The following ATXN7L1 variants were observed in gnomAD, a reference collection of about 807,000 sequenced individuals.
The protein encoded by ATXN7L1 is ataxin 7 like 1, also known as ataxin-7-like protein 1.
Under a neutral mutation model 70.8 loss-of-function variants are expected in ATXN7L1, and 15 were observed. The ratio of observed to expected loss-of-function variants is 0.21; its 90% CI spans 0.14 to 0.33. ATXN7L1 has a LOEUF of 0.33. ATXN7L1 is among the 10% of genes least tolerant of loss of function. The pLI, the probability that ATXN7L1 is intolerant of heterozygous loss-of-function variation, is 1.00. For synonymous variants in ATXN7L1, 440 were observed against 445.1 expected, an observed-to-expected ratio of 0.99 and a Z score of 0.14; for missense variants, 975 against 1,097.1, an observed-to-expected ratio of 0.89 and a Z score of 1.57.
chr7:105,759,296 A>T (rs1264938909), intron 3 of ATXN7L1, among the ~76,000 whole-genome samples: 1 of 151,376 alleles, frequency 6.6e-6, no homozygotes, highest in South Asian at 2.1e-4. Flanking sequence ...CAGCGCTGAG[A>T]TGATAAATGC....
intron 10 of ATXN7L1, among the ~76,000 whole-genome samples, chr7:105,612,946 C>T (rs1311235739): frequency 6.6e-6 from 1 of 152,224 alleles, no homozygotes; most frequent in Non-Finnish European, 1.5e-5. Context: ...TCTGGACACA[C>T]TGCCCTGATG....
intron 3 of ATXN7L1, among the ~76,000 whole-genome samples, chr7:105,718,761 G>A (rs1044032323): frequency 1.3e-5 from 2 of 152,210 alleles, no homozygotes; most frequent in Non-Finnish European, 2.9e-5. Context: ...CCATTCACAC[G>A]GGCTCTTTGT....
chr7:105,811,485 A>G (rs923372847), intron 2 of ATXN7L1, among the ~76,000 whole-genome samples: 3 of 151,940 alleles, frequency 2.0e-5, no homozygotes, highest in African/African-American at 4.8e-5. Context: ...GCCCTAGCAA[A>G]CTATTACAGG....
At chr7:105,736,954 C>T (rs527788057) in intron 3 of ATXN7L1, among the ~76,000 whole-genome samples, 14 of 152,232 alleles carry the variant, frequency 9.2e-5, no homozygotes, top group South Asian at 2.1e-4. Context: ...CTTCATAAAA[C>T]GAATTGTGGG....
chr7:105,675,651 T>C (rs1414047069), intron 3 of ATXN7L1, among the ~76,000 whole-genome samples: 1 of 151,764 alleles, frequency 6.6e-6, no homozygotes, highest in Non-Finnish European at 1.5e-5. Context: ...AAGCACTTGA[T>C]AAATACATGA....
intron 2 of ATXN7L1, among the ~76,000 whole-genome samples, chr7:105,870,121 A>G (rs1818034952): frequency 6.6e-6 from 1 of 152,060 alleles, no homozygotes; most frequent in African/African-American, 2.4e-5. Flanking sequence ...CTCTACTAAA[A>G]ATACAAAAAA....
rs1563048830 is a variant in ATXN7L1, at chr7:105,733,589, T to TCCATCCACCCAACCAC, written c.355+55014_355+55015insGTGGTTGGGTGGATGG. 1.6e-4 allele frequency among the ~76,000 whole-genome samples: 17 copies of TCCATCCACCCAACCAC among 108,386 alleles called. 1 individual carries two copies. Among genetic ancestry groups the TCCATCCACCCAACCAC allele is most frequent in the Non-Finnish European group, 2.2e-4 (12 of 53,482 alleles). 71.1% of individuals were successfully genotyped at this position (108,386 alleles called of 152,430 possible). On this transcript the variant is annotated intron_variant, in intron 3 of 11. Transcript: ENST00000419735. ...ATCCTTCCATCCATCCACCCATCCATCCATCCATCCATCCACCCATCCATC... is the reference window on the plus strand; with the variant it reads ...ATCCTTCCATCCATCCACCCATCCATCCATCCACCCAACCACCCATCCATCCATCCACCCATCCATC...
rs538083231 is a variant in ATXN7L1 at position 105,755,647 on chromosome 7, C to T, written c.355+32957G>A. Among the ~76,000 whole-genome samples the T allele has an allele frequency of 1.1e-4, 17 of 152,298 alleles. No individual in the cohort carries two copies. The South Asian group carries it at 2.7e-3, about 24-fold the overall frequency. On this transcript the variant is annotated intron_variant, in intron 3 of 11. Coordinates refer to ENST00000419735, the MANE Select transcript of ATXN7L1 (RefSeq NM_020725.2). ...ATTTCTGACCAAGCTGTCAGACAAT[C>T]CTACTGGTGAATTTCCAGCTGGAAT...
intron 3 of ATXN7L1, among the ~76,000 whole-genome samples, chr7:105,738,803 G>A (rs1797695057): frequency 6.6e-6 from 1 of 152,222 alleles, no homozygotes; most frequent in South Asian, 2.1e-4. Flanking sequence ...AAGGCTGTGG[G>A]TCTGGTGCAC....
At position 105,605,475 on chromosome 7, in the gene ATXN7L1, T is replaced by TGGGGG. The variant is rs200622868; in HGVS notation, c.*2372_*2376dup. ...CAAAGTAAGCAGCATTCGATGAGGG[T>TGGGGG]GGGGGGGGGGGTGGGGGCTCTTTAT... On this transcript the variant is annotated 3_prime_UTR_variant, in exon 12 of 12. Coordinates refer to ENST00000419735, the MANE Select transcript of ATXN7L1 (RefSeq NM_020725.2). The TGGGGG allele has an allele frequency of 9.3e-5, 6 of 64,438 alleles. No individual in the cohort carries two copies. Among genetic ancestry groups the TGGGGG allele is most frequent in the Non-Finnish European group, 2.0e-4 (6 of 29,488 alleles). The allele number at this position is 64,438 out of a possible 1,614,324, so 4.0% of individuals were successfully genotyped here. A position where few individuals can be genotyped will look rare whatever the true frequency, so the allele number is the denominator to read the frequency against.
At chr7:105,849,172 G>A (rs1814508852) in intron 2 of ATXN7L1, among the ~76,000 whole-genome samples, 1 of 152,212 alleles carries the variant, frequency 6.6e-6, no homozygotes, top group Non-Finnish European at 1.5e-5. Context: ...ACTGGCCTGA[G>A]AGGAGATGGA....
intron 3 of ATXN7L1, among the ~76,000 whole-genome samples, chr7:105,696,780 C>G (rs1275154727): frequency 6.6e-6 from 1 of 152,208 alleles, no homozygotes; most frequent in East Asian, 1.9e-4. Flanking sequence ...ACATCCACCC[C>G]ACGGAGGATG....
intron 3 of ATXN7L1, among the ~76,000 whole-genome samples, chr7:105,780,331 G>A (rs1045227971): frequency 1.3e-5 from 2 of 152,158 alleles, no homozygotes; most frequent in African/African-American, 4.8e-5. Context: ...CACTCCAGGG[G>A]TGAGTTTCTG....
intron 2 of ATXN7L1, among the ~76,000 whole-genome samples, chr7:105,874,122 T>C (rs571335826): frequency 3.3e-4 from 20 of 60,412 alleles, no homozygotes; most frequent in African/African-American, 1.7e-3. Context: ...AGAATCCGTA[T>C]CAAAAAAAAA....
chr7:105,638,512 A>G lies in ATXN7L1; in HGVS notation c.1043T>C (p.Val348Ala), dbSNP rs982970743. 1.4e-5 allele frequency: 22 copies of G among 1,552,080 alleles called. No individual in the cohort carries two copies. Among genetic ancestry groups the G allele is most frequent in the Middle Eastern group, 1.7e-4 (1 of 6,016 alleles). ...EHKAKSREKE[V>A]KDKEHLLTST... ...AGTCAGGAGATGCTCTTTATCTTTA[A>G]CTTCTTTTTCCCGGGACTTTGCTTT... Residue 348 changes from valine (V) to alanine (A), a missense_variant, in exon 7 of 12, where the codon GTT becomes GCT. This residue lies in a region of ATXN7L1 where 635 missense variants were observed against 699.4 expected (regional missense o/e 0.91). Transcript: ENST00000419735.
Position 105,716,776 on chromosome 7 carries a change from G to C in ATXN7L1, c.356-51488C>G, listed in dbSNP as rs546143782. On this transcript the variant is annotated intron_variant, in intron 3 of 11. Coordinates refer to ENST00000419735, the MANE Select transcript of ATXN7L1 (RefSeq NM_020725.2). ...GCACCTGTAGTCCCAGCTACTTGAG[G>C]GGGTGAGGCAGGAGGATCAGTTGAG... Among the ~76,000 whole-genome samples, 17 of 151,604 alleles carry C rather than the reference G, an allele frequency of 1.1e-4. No homozygotes were observed. The South Asian group carries it at 2.5e-3, about 22-fold the overall frequency.
chr7:105,694,005 G>A (rs546028941), intron 3 of ATXN7L1, among the ~76,000 whole-genome samples: 93 of 151,832 alleles, frequency 6.1e-4, no homozygotes, highest in Non-Finnish European at 7.8e-4. Flanking sequence ...AGGGTGGAAG[G>A]GATGCAGCAA....
At chr7:105,641,909 C>T (rs1562940654) in intron 5 of ATXN7L1, among the ~76,000 whole-genome samples, 1 of 152,210 alleles carries the variant, frequency 6.6e-6, no homozygotes, top group South Asian at 2.1e-4. Flanking sequence ...CAGACAAATA[C>T]AGAGTAGACA....
At chr7:105,753,486 T>G (rs78363537) in intron 3 of ATXN7L1, among the ~76,000 whole-genome samples, 1,855 of 152,336 alleles carry the variant, frequency 0.012, 34 homozygotes, top group East Asian at 0.077. Context: ...GGATTTTTAT[T>G]TAGATATTTT....
Sources: allele counts gnomAD v4.1 joint callset (sites outside exome capture counted in the v4.1 genomes callset), GRCh38; gene constraint gnomAD v4.1.1; regional missense constraint gnomAD v4.1.1; transcripts MANE v1.5; gene names NCBI Gene and HGNC (gene_info 2026-07-23, HGNC 2026-07-21).